The following TDRD12 variants were observed in gnomAD, a reference collection of about 807,000 sequenced individuals.
TDRD12 encodes putative ATP-dependent RNA helicase TDRD12.
TDRD12 carries 158 observed loss-of-function variants against 133.5 expected under a neutral mutation model. That is an observed-to-expected ratio of 1.18 (90% CI 1.04 to 1.35). The LOEUF is 1.35. TDRD12 is among the 40% of genes most tolerant of loss of function. The probability of loss-of-function intolerance (pLI) is 0.00; values close to 1 mark genes in which losing one functional copy is unlikely to be tolerated. For missense variants in TDRD12, 1,443 were observed against 1,321.3 expected, an observed-to-expected ratio of 1.09 and a Z score of -1.43; for synonymous variants, 460 against 477.9, an observed-to-expected ratio of 0.96 and a Z score of 0.49.
At chr19:32,759,317 C>T (rs1415169440) in intron 8 of TDRD12, among the ~76,000 whole-genome samples, 1 of 151,886 alleles carries the variant, frequency 6.6e-6, no homozygotes, top group Non-Finnish European at 1.5e-5. Context: ...GTGGGAGCCT[C>T]GACCTTCCAA....
At chr19:32,760,169 C>T (rs1051698998) in intron 8 of TDRD12, among the ~76,000 whole-genome samples, 5 of 152,192 alleles carry the variant, frequency 3.3e-5, no homozygotes, top group Non-Finnish European at 7.3e-5. Flanking sequence ...GGAGTCCCAG[C>T]TTGCTGGGCA....
At position 32,785,112 on chromosome 19, in the gene TDRD12, G is replaced by A. The variant is rs182121122; in HGVS notation, c.1122-5419G>A. On this transcript the variant is annotated intron_variant, in intron 11 of 27. Transcript: ENST00000444215. ...TTTTAGATCTCTCCTGCTTTCCCTT[G>A]TGGGCATTTAGTGCTATAATGTGTC... 2.6e-5 allele frequency among the ~76,000 whole-genome samples: 4 copies of A among 152,008 alleles called. No homozygotes were observed. The East Asian group carries it at 7.7e-4, about 29-fold the overall frequency.
chr19:32,722,761 C>G (rs904806187), intron 1 of TDRD12, among the ~76,000 whole-genome samples: 5 of 150,688 alleles, frequency 3.3e-5, no homozygotes, highest in Non-Finnish European at 7.4e-5. Context: ...CTCACTGCAA[C>G]CTCCGCCTCC....
At chr19:32,814,818 C>T (rs548846195) in intron 25 of TDRD12, among the ~76,000 whole-genome samples, 2 of 152,282 alleles carry the variant, frequency 1.3e-5, no homozygotes, top group South Asian at 4.2e-4. Context: ...CCGGTGGACA[C>T]ACATTCCTGG....
At chr19:32,743,869 A>G (rs1445060271) in intron 4 of TDRD12, among the ~76,000 whole-genome samples, 1 of 151,790 alleles carries the variant, frequency 6.6e-6, no homozygotes, top group Admixed American at 6.6e-5. Context: ...TCTCTACTAA[A>G]AATACAAAAT....
At chr19:32,727,131 G>T (rs1968888049) in intron 1 of TDRD12, among the ~76,000 whole-genome samples, 1 of 152,122 alleles carries the variant, frequency 6.6e-6, no homozygotes, top group Non-Finnish European at 1.5e-5. Context: ...CCAGCACACT[G>T]AATTTTCAGG....
chr19:32,804,668 G>A (rs1192601813), intron 21 of TDRD12, among the ~76,000 whole-genome samples: 1 of 149,752 alleles, frequency 6.7e-6, no homozygotes, highest in Admixed American at 6.7e-5. Context: ...ACTCCAGCCT[G>A]GAGACACAGC....
intron 16 of TDRD12, 81 bp from the exon 17 acceptor site, chr19:32,800,086 A>G: frequency 1.2e-6 from 1 of 853,054 alleles, no homozygotes; most frequent in Non-Finnish European, 1.7e-6. Context: ...GAAAATATAC[A>G]AACCCTTACA....
At chr19:32,732,635 T>C (rs1969094431) in intron 2 of TDRD12, among the ~76,000 whole-genome samples, 2 of 152,216 alleles carry the variant, frequency 1.3e-5, no homozygotes, top group African/African-American at 2.4e-5. Flanking sequence ...CCCCTTGTCA[T>C]GGTTGCCACA....
rs539125830 is a variant in TDRD12, at chr19:32,774,184, C to T, written c.1040+652C>T. On this transcript the variant is annotated intron_variant, in intron 10 of 27. Transcript: ENST00000444215. Reference sequence around the variant, plus strand: ...TTGAATGGTCTAAGAACACACTTCCCCTCGTGTCGTGGACTTTATGCTGTG... The same window carrying T: ...TTGAATGGTCTAAGAACACACTTCCTCTCGTGTCGTGGACTTTATGCTGTG... 4.6e-5 allele frequency among the ~76,000 whole-genome samples: 7 copies of T among 152,318 alleles called. No homozygotes were observed. The South Asian group carries it at 1.2e-3, about 27-fold the overall frequency.
chr19:32,823,563 C>T (rs929310087), downstream of TDRD12, among the ~76,000 whole-genome samples: 12 of 152,254 alleles, frequency 7.9e-5, no homozygotes, highest in Admixed American at 5.2e-4. Context: ...AAGGATCTTC[C>T]GGAGCCGAGT....
At chr19:32,736,393 C>CA (rs995507948) in intron 2 of TDRD12, among the ~76,000 whole-genome samples, 1 of 152,076 alleles carries the variant, frequency 6.6e-6, no homozygotes, top group African/African-American at 2.4e-5. Context: ...GTCTCTAAAA[C>CA]AAAAAACAAC....
exon 3 of TDRD12, chr19:32,738,925 G>T: frequency 1.9e-6 from 3 of 1,551,310 alleles, no homozygotes; most frequent in Non-Finnish European, 1.7e-6. Context: ...TACGTCTTCC[G>T]CAGACCAGTA....
chr19:32,754,643 A>G (rs907835511), intron 6 of TDRD12, among the ~76,000 whole-genome samples: 5 of 143,392 alleles, frequency 3.5e-5, no homozygotes, highest in Admixed American at 2.1e-4. Flanking sequence ...CTAACCATGT[A>G]GGTTGTATGT....
chr19:32,790,717 T>A (rs1192404103), intron 12 of TDRD12, 126 bp downstream of exon 12: 20 of 1,546,916 alleles, frequency 1.3e-5, no homozygotes, highest in Non-Finnish European at 1.7e-5. Flanking sequence ...GGACTTAACC[T>A]GAAGACATCC....
intron 13 of TDRD12, among the ~76,000 whole-genome samples, chr19:32,793,315 C>T (rs974209504): frequency 3.9e-5 from 6 of 152,208 alleles, no homozygotes; most frequent in Non-Finnish European, 5.9e-5. Context: ...CTTAAAAAAA[C>T]GTACTTCCCT....
chr19:32,757,083 G>C, exon 8 of TDRD12: 1 of 1,551,820 alleles, frequency 6.4e-7, no homozygotes, highest in Non-Finnish European at 8.7e-7. Context: ...CAACATACAT[G>C]GTGCAAGGGT....
chr19:32,731,881 C>T lies in TDRD12; in HGVS notation c.181C>T (p.Gln61Ter), dbSNP rs1969068498. The change falls in exon 2 of 28, where the codon CAG (glutamine) becomes TAG (stop). Residue 61 changes from glutamine (Q) to a stop codon, truncating the protein, a stop_gained and splice_region_variant. Coordinates refer to ENST00000444215, the Ensembl canonical transcript of TDRD12. LOFTEE classifies it high-confidence loss of function. ...AAAACCCTTAACATTGGAAGAAGGA[C>T]AGGTATGTATCTAAATGTTCTTTAA... is the stretch of plus-strand genomic sequence containing the variant. The T allele has an allele frequency of 1.3e-6, 2 of 1,543,006 alleles. No individual in the cohort carries two copies. Among genetic ancestry groups the T allele is most frequent in the Non-Finnish European group, 1.7e-6 (2 of 1,144,404 alleles).
chr19:32,771,663 C>T (rs891367321), intron 8 of TDRD12, among the ~76,000 whole-genome samples: 1 of 150,132 alleles, frequency 6.7e-6, no homozygotes, highest in Non-Finnish European at 1.5e-5. Flanking sequence ...GAGAGCTTAT[C>T]TTGCATGAAC....
Sources: gnomAD v4.1 joint callset for allele counts (sites outside exome capture counted in the v4.1 genomes callset) on GRCh38, gnomAD v4.1.1 for gene constraint, MANE v1.5 for transcripts, NCBI Gene and HGNC (gene_info 2026-07-23, HGNC 2026-07-21) for gene names.